The following CPEB3 variants were observed in gnomAD, a reference collection of about 807,000 sequenced individuals.
CPEB3 encodes the protein cytoplasmic polyadenylation element binding protein 3.
Under a neutral mutation model 67.2 loss-of-function variants are expected in CPEB3, and 20 were observed. The ratio of observed to expected loss-of-function variants is 0.30; its 90% CI spans 0.21 to 0.43. The LOEUF is 0.43. Ranked by LOEUF, CPEB3 falls within the 20% of genes least tolerant of loss-of-function variation. The probability of loss-of-function intolerance (pLI) is 1.00; values close to 1 mark genes in which losing one functional copy is unlikely to be tolerated. For missense variants in CPEB3, 746 were observed against 968.6 expected, an observed-to-expected ratio of 0.77 and a Z score of 3.05; for synonymous variants, 376 against 393.1, an observed-to-expected ratio of 0.96 and a Z score of 0.51.
intron 6 of CPEB3, among the ~76,000 whole-genome samples, chr10:92,131,014 T>C (rs1404780770): frequency 2.0e-5 from 3 of 152,186 alleles, no homozygotes; most frequent in Non-Finnish European, 2.9e-5. Context: ...ATTCTTAACA[T>C]TGGAATAACA....
chr10:92,150,138 G>C (rs529440213), intron 4 of CPEB3, among the ~76,000 whole-genome samples: 12 of 152,154 alleles, frequency 7.9e-5, no homozygotes, highest in African/African-American at 2.7e-4. Flanking sequence ...AGCGCAGACC[G>C]ACAGGCGATA....
intron 3 of CPEB3, 53 bp from the exon 4 acceptor site, chr10:92,181,072 A>G (rs1848436903): frequency 1.1e-6 from 1 of 923,748 alleles, no homozygotes; most frequent in East Asian, 2.5e-5. Context: ...AATCATTTCA[A>G]ACACATCTTA....
chr10:92,221,369 T>C (rs1850690626), intron 2 of CPEB3, among the ~76,000 whole-genome samples: 1 of 152,106 alleles, frequency 6.6e-6, no homozygotes, highest in Non-Finnish European at 1.5e-5. Context: ...GGCAGGTGCC[T>C]GTAATCCCAG....
At chr10:92,243,622 G>C (rs1851939992) in intron 1 of CPEB3, among the ~76,000 whole-genome samples, 1 of 151,796 alleles carries the variant, frequency 6.6e-6, no homozygotes, top group South Asian at 2.1e-4. Flanking sequence ...AATCCTACTA[G>C]AAAGAGACTG....
chr10:92,216,633 G>GA, intron 2 of CPEB3: 1 of 1,608,278 alleles, frequency 6.2e-7, no homozygotes, highest in South Asian at 1.1e-5. Flanking sequence ...TGTGAGGACC[G>GA]AAATCTGCCC....
At chr10:92,264,573 T>G (rs1220920298) in intron 1 of CPEB3, among the ~76,000 whole-genome samples, 1 of 151,410 alleles carries the variant, frequency 6.6e-6, no homozygotes, top group Non-Finnish European at 1.5e-5. Flanking sequence ...AGGCTTAGCC[T>G]GGCATGGTGG....
chr10:92,128,096 T>A (rs1307755228), intron 6 of CPEB3, among the ~76,000 whole-genome samples: 5 of 152,098 alleles, frequency 3.3e-5, no homozygotes, highest in Non-Finnish European at 5.9e-5. Context: ...AAATCTGGAG[T>A]CATTAATATT....
intron 2 of CPEB3, among the ~76,000 whole-genome samples, chr10:92,196,699 C>T (rs1849252007): frequency 1.3e-5 from 2 of 149,810 alleles, no homozygotes; most frequent in South Asian, 2.1e-4. Flanking sequence ...ACTGGGGAGG[C>T]GGAGGTTGCA....
intron 2 of CPEB3, among the ~76,000 whole-genome samples, chr10:92,212,167 C>G (rs1190274431): frequency 6.6e-6 from 1 of 151,666 alleles, no homozygotes; most frequent in Non-Finnish European, 1.5e-5. Flanking sequence ...AGGCAGGAGC[C>G]ACCGTGCCCA....
At chr10:92,280,452 G>A (rs769443549) in intron 1 of CPEB3, among the ~76,000 whole-genome samples, 16 of 149,748 alleles carry the variant, frequency 1.1e-4, no homozygotes, top group Admixed American at 8.0e-4. Context: ...CAGGCATAGC[G>A]ACTCATGCCT....
At chr10:92,216,479 T>C (rs542981868) in intron 2 of CPEB3, 13 of 1,612,898 alleles carry the variant, frequency 8.1e-6, no homozygotes, top group Admixed American at 1.7e-5. Flanking sequence ...GCTCTACAAA[T>C]GCATTAAGAA....
intron 6 of CPEB3, among the ~76,000 whole-genome samples, chr10:92,117,484 C>A (rs1284212212): frequency 6.6e-6 from 1 of 150,856 alleles, no homozygotes; most frequent in Non-Finnish European, 1.5e-5. Context: ...TGCCTGCCAC[C>A]ACACCCGGCT....
chr10:92,257,095 TTAA>T (rs1482447785), intron 1 of CPEB3, among the ~76,000 whole-genome samples: 1 of 152,254 alleles, frequency 6.6e-6, no homozygotes, highest in African/African-American at 2.4e-5. Flanking sequence ...AACCCTATGC[TTAA>T]TAATACAAAG....
chr10:92,139,297 A>T (rs1846273306), intron 6 of CPEB3, among the ~76,000 whole-genome samples: 3 of 149,408 alleles, frequency 2.0e-5, no homozygotes, highest in Admixed American at 2.0e-4. Context: ...CATAAAAAAA[A>T]AAAAAAAAAA....
chr10:92,222,194 CTTTTTTT>C (rs748320816), intron 2 of CPEB3, among the ~76,000 whole-genome samples: 2 of 139,988 alleles, frequency 1.4e-5, no homozygotes, highest in Non-Finnish European at 3.1e-5. Context: ...CTCCAAACCT[CTTTTTTT>C]TTTTTTTTAA....
intron 4 of CPEB3, among the ~76,000 whole-genome samples, chr10:92,155,304 C>T (rs1397180126): frequency 6.6e-6 from 1 of 152,142 alleles, no homozygotes; most frequent in Non-Finnish European, 1.5e-5. Flanking sequence ...AGGGAAGTAA[C>T]ATACATCAGC....
chr10:92,234,776 T>C (rs747067869), intron 2 of CPEB3, among the ~76,000 whole-genome samples: 2 of 151,804 alleles, frequency 1.3e-5, no homozygotes, highest in African/African-American at 4.8e-5. Context: ...AATATAAAAA[T>C]TAGCTGGGCA....
chr10:92,110,284 G>C (rs1443348442), intron 7 of CPEB3, among the ~76,000 whole-genome samples: 1 of 152,182 alleles, frequency 6.6e-6, no homozygotes, highest in African/African-American at 2.4e-5. Flanking sequence ...CCCACTCTGT[G>C]TCATATTTTT....
intron 1 of CPEB3, among the ~76,000 whole-genome samples, chr10:92,266,851 T>C (rs1344860079): frequency 6.6e-6 from 1 of 151,976 alleles, no homozygotes; most frequent in Non-Finnish European, 1.5e-5. Context: ...CTGGCCAACA[T>C]GGTGAAACCC....
Sources: allele counts gnomAD v4.1 joint callset (sites outside exome capture counted in the v4.1 genomes callset), GRCh38; gene constraint gnomAD v4.1.1; transcripts MANE v1.5; gene names NCBI Gene and HGNC (gene_info 2026-07-23, HGNC 2026-07-21).